NDST3: variants seen among roughly 807,000 people sequenced by gnomAD.
NDST3 encodes bifunctional heparan sulfate N-deacetylase/N-sulfotransferase 3.
A neutral mutation model predicts 96.1 loss-of-function variants in NDST3; 58 were observed. That is an observed-to-expected ratio of 0.60 (90% CI 0.49 to 0.75). NDST3 has a LOEUF of 0.75. Ranked by LOEUF, NDST3 falls within the 30% of genes least tolerant of loss-of-function variation. The probability of loss-of-function intolerance (pLI) is 0.00; values close to 1 mark genes in which losing one functional copy is unlikely to be tolerated. For missense variants in NDST3, 788 were observed against 1,034.2 expected, an observed-to-expected ratio of 0.76 and a Z score of 3.27; for synonymous variants, 333 against 359.7, an observed-to-expected ratio of 0.93 and a Z score of 0.84.
chr4:118,252,265 T>C (rs1037291065), intron 12 of NDST3, among the ~76,000 whole-genome samples: 2 of 152,176 alleles, frequency 1.3e-5, no homozygotes, highest in South Asian at 2.1e-4. Flanking sequence ...TAAAACCTAC[T>C]TGGAGACCAG....
At chr4:118,184,973 A>G (rs1464680304) in intron 6 of NDST3, among the ~76,000 whole-genome samples, 3 of 152,210 alleles carry the variant, frequency 2.0e-5, no homozygotes, top group Non-Finnish European at 4.4e-5. Context: ...GCACAAATGA[A>G]TAAGACTTTC....
Position 118,054,393 on chromosome 4 carries a change from C to T in NDST3, c.483C>T (p.Val161=). 1.2e-6 allele frequency: 2 copies of T among 1,612,874 alleles called. No individual in the cohort carries two copies. The highest frequency in any genetic ancestry group is 2.2e-5 in the South Asian group (2 of 91,020). Residue 161 remains valine (V), a synonymous_variant, in exon 2 of 14, where the codon GTC becomes GTT. Transcript: ENST00000296499. ...ACTGTGTAGAATATGGTGTGGGTGT[C>T]ATTGGATTCCACAAAACTAGTGAGA... The part of the protein sequence containing the change: ...DKYCVEYGVG[V]IGFHKTSEKS...
At chr4:118,067,331 C>T (rs895956740) in intron 2 of NDST3, among the ~76,000 whole-genome samples, 1 of 152,042 alleles carries the variant, frequency 6.6e-6, no homozygotes, top group South Asian at 2.1e-4. Context: ...ATTTGCTAAT[C>T]TGCTCTAGAA....
At chr4:118,090,154 G>A (rs902803895) in intron 2 of NDST3, among the ~76,000 whole-genome samples, 5 of 151,600 alleles carry the variant, frequency 3.3e-5, no homozygotes, top group Non-Finnish European at 7.4e-5. Flanking sequence ...ATAAGAAGCC[G>A]TTAAAACCAC....
intron 4 of NDST3, among the ~76,000 whole-genome samples, chr4:118,127,098 C>G (rs1001009643): frequency 2.0e-5 from 3 of 151,824 alleles, no homozygotes; most frequent in African/African-American, 7.3e-5. Flanking sequence ...TTATTAATCT[C>G]TTGTCAGATG....
At chr4:118,230,180 T>C (rs1740172625) in intron 8 of NDST3, among the ~76,000 whole-genome samples, 1 of 152,214 alleles carries the variant, frequency 6.6e-6, no homozygotes, top group Admixed American at 6.6e-5. Context: ...TGGAGCTTTT[T>C]TCCTCCAATA....
chr4:118,063,494 T>G (rs1473117782), intron 2 of NDST3, among the ~76,000 whole-genome samples: 1 of 152,182 alleles, frequency 6.6e-6, no homozygotes, highest in Non-Finnish European at 1.5e-5. Context: ...TGCCAGTTAC[T>G]GGATTATGTC....
At chr4:118,124,239 T>C (rs1426011599) in intron 4 of NDST3, among the ~76,000 whole-genome samples, 1 of 152,138 alleles carries the variant, frequency 6.6e-6, no homozygotes, top group African/African-American at 2.4e-5. Flanking sequence ...ACAATGTATC[T>C]TCTTTGAGGA....
At chr4:118,221,253 T>C (rs1418039187) in intron 6 of NDST3, among the ~76,000 whole-genome samples, 1 of 152,084 alleles carries the variant, frequency 6.6e-6, no homozygotes, top group Non-Finnish European at 1.5e-5. Context: ...GAATTCTGAC[T>C]CTTTTCATGA....
intron 5 of NDST3, among the ~76,000 whole-genome samples, chr4:118,139,623 G>C (rs568195068): frequency 6.6e-6 from 1 of 152,244 alleles, no homozygotes; most frequent in South Asian, 2.1e-4. Context: ...GTGAACTTTA[G>C]ATCACACTCT....
intron 6 of NDST3, among the ~76,000 whole-genome samples, chr4:118,190,184 A>G (rs1230797737): frequency 6.6e-6 from 1 of 152,094 alleles, no homozygotes; most frequent in Non-Finnish European, 1.5e-5. Context: ...ACCCTAATTT[A>G]TAGTGAAAAC....
chr4:118,112,375 G>A (rs1307842103), intron 3 of NDST3, among the ~76,000 whole-genome samples: 4 of 152,218 alleles, frequency 2.6e-5, no homozygotes, highest in African/African-American at 9.6e-5. Flanking sequence ...ACAGGGAATA[G>A]AGCTTAAAAG....
At chr4:118,255,276 T>A (rs1742043793) in intron 13 of NDST3, among the ~76,000 whole-genome samples, 2 of 152,182 alleles carry the variant, frequency 1.3e-5, no homozygotes, top group South Asian at 4.1e-4. Context: ...AGGGAGTGGC[T>A]GATTTTGTGA....
At chr4:118,036,037 A>T (rs1005906005) in intron 1 of NDST3, among the ~76,000 whole-genome samples, 1 of 152,086 alleles carries the variant, frequency 6.6e-6, no homozygotes, top group African/African-American at 2.4e-5. Context: ...GTAACTGAAA[A>T]GTTTGTTAAA....
intron 5 of NDST3, among the ~76,000 whole-genome samples, chr4:118,142,694 G>A (rs1481097422): frequency 3.9e-5 from 6 of 152,068 alleles, no homozygotes; most frequent in Non-Finnish European, 7.4e-5. Flanking sequence ...TACTTCAAAT[G>A]TATAGTGACA....
intron 2 of NDST3, among the ~76,000 whole-genome samples, chr4:118,063,981 G>A (rs1726104394): frequency 6.6e-6 from 1 of 152,130 alleles, no homozygotes; most frequent in African/African-American, 2.4e-5. Context: ...TTCTGTTATA[G>A]TTTGATGGGT....
At chr4:118,178,827 A>G (rs556704816) in intron 6 of NDST3, among the ~76,000 whole-genome samples, 44 of 152,046 alleles carry the variant, frequency 2.9e-4, no homozygotes, top group Non-Finnish European at 5.4e-4. Context: ...CAACTTTCTC[A>G]CAACCTTGCC....
chr4:118,076,986 T>C (rs1727599554), intron 2 of NDST3, among the ~76,000 whole-genome samples: 1 of 152,186 alleles, frequency 6.6e-6, no homozygotes, highest in Non-Finnish European at 1.5e-5. Flanking sequence ...TGATACTCTT[T>C]GAGGTTTGAT....
At chr4:118,228,977 A>G (rs1432377151) in intron 8 of NDST3, among the ~76,000 whole-genome samples, 1 of 152,248 alleles carries the variant, frequency 6.6e-6, no homozygotes, top group Admixed American at 6.5e-5. Flanking sequence ...AGAATTAAAT[A>G]GCTTCATTTT....
Sources: allele counts gnomAD v4.1 joint callset (sites outside exome capture counted in the v4.1 genomes callset), GRCh38; gene constraint gnomAD v4.1.1; transcripts MANE v1.5; gene names NCBI Gene and HGNC (gene_info 2026-07-23, HGNC 2026-07-21).